Variants in GALNTL6 observed in about 807,000 individuals in gnomAD.
The protein encoded by GALNTL6 is polypeptide N-acetylgalactosaminyltransferase like 6.
GALNTL6 carries 46 observed loss-of-function variants against 73.7 expected under a neutral mutation model. The observed-to-expected ratio is 0.62, with a 90% CI of 0.49 to 0.80. The LOEUF is 0.80. Among genes scored for constraint, GALNTL6 ranks in the 30% least tolerant of loss-of-function variants. The pLI is 0.00. For missense variants in GALNTL6, 604 were observed against 755.0 expected (o/e 0.80, Z 2.34); for synonymous variants, 259 against 263.7 (o/e 0.98, Z 0.17).
intron 5 of GALNTL6, among the ~76,000 whole-genome samples, chr4:172,559,326 AG>A (rs937888952): frequency 6.6e-6 from 1 of 151,988 alleles, no homozygotes; most frequent in Non-Finnish European, 1.5e-5. Flanking sequence ...GGCCTCCCAA[AG>A]TGCTGGGATT....
intron 5 of GALNTL6, among the ~76,000 whole-genome samples, chr4:172,524,818 T>C (rs1031026786): frequency 1.3e-5 from 2 of 152,206 alleles, no homozygotes; most frequent in East Asian, 1.9e-4. Context: ...TTTTCCTCTA[T>C]GGTTAGTATG....
chr4:172,201,552 G>C (rs1485210197), intron 2 of GALNTL6, among the ~76,000 whole-genome samples: 1 of 150,608 alleles, frequency 6.6e-6, no homozygotes, highest in Non-Finnish European at 1.5e-5. Context: ...AAGAATAGTT[G>C]GTTGGCACTC....
intron 2 of GALNTL6, among the ~76,000 whole-genome samples, chr4:172,062,695 C>T (rs1218019151): frequency 6.6e-6 from 1 of 152,206 alleles, no homozygotes; most frequent in Admixed American, 6.5e-5. Flanking sequence ...TAAGATACAA[C>T]CACATTTTTC....
intron 2 of GALNTL6, among the ~76,000 whole-genome samples, chr4:171,978,757 G>A (rs1739795837): frequency 6.6e-6 from 1 of 151,220 alleles, no homozygotes; most frequent in Admixed American, 6.6e-5. Context: ...TGACTTTTAG[G>A]CATTAAAAAA....
At chr4:171,871,160 T>C (rs978741493) in intron 2 of GALNTL6, among the ~76,000 whole-genome samples, 2 of 152,140 alleles carry the variant, frequency 1.3e-5, no homozygotes, top group Non-Finnish European at 2.9e-5. Context: ...GTGGGGAGTA[T>C]GTAATGATAC....
chr4:172,675,046 C>T (rs1315638880), intron 5 of GALNTL6, among the ~76,000 whole-genome samples: 3 of 152,176 alleles, frequency 2.0e-5, no homozygotes. Context: ...AAAAGCAGAA[C>T]TCTGGCTTTT....
intron 5 of GALNTL6, among the ~76,000 whole-genome samples, chr4:172,727,664 G>T (rs1010300867): frequency 6.6e-6 from 1 of 152,046 alleles, no homozygotes; most frequent in African/African-American, 2.4e-5. Flanking sequence ...TCAATTTGTT[G>T]TGTTGTATCC....
intron 5 of GALNTL6, among the ~76,000 whole-genome samples, chr4:172,405,433 ATATATATATATTTTTTTTTTTTTTT>A (rs1744193673): frequency 1.6e-4 from 1 of 6,408 alleles, no homozygotes; most frequent in East Asian, 0.013. Flanking sequence ...ATATATATAT[ATATATATATATTTTTTTTTTTTTTT>A]TTTTTTTTCT....
chr4:172,635,396 A>C (rs1156407341), intron 5 of GALNTL6, among the ~76,000 whole-genome samples: 1 of 152,164 alleles, frequency 6.6e-6, no homozygotes, highest in Non-Finnish European at 1.5e-5. Context: ...AGTAGGAATT[A>C]TTACAATTCA....
chr4:172,964,201 T>C (rs571308576), intron 10 of GALNTL6, among the ~76,000 whole-genome samples: 1 of 152,346 alleles, frequency 6.6e-6, no homozygotes, highest in East Asian at 1.9e-4. Context: ...TGTGTCAAGA[T>C]GCTAAATGAA....
At chr4:172,733,755 C>T (rs1213678546) in intron 5 of GALNTL6, among the ~76,000 whole-genome samples, 1 of 152,158 alleles carries the variant, frequency 6.6e-6, no homozygotes. Flanking sequence ...CCATGTGGAA[C>T]TGTGATTTCA....
At chr4:172,062,814 A>G (rs779485209) in intron 2 of GALNTL6, among the ~76,000 whole-genome samples, 1 of 152,360 alleles carries the variant, frequency 6.6e-6, no homozygotes, top group Non-Finnish European at 1.5e-5. Flanking sequence ...TCTCCTGCCA[A>G]GTCCCCCTAT....
intron 2 of GALNTL6, among the ~76,000 whole-genome samples, chr4:172,192,764 CA>C (rs1309669807): frequency 8.5e-5 from 13 of 152,148 alleles, no homozygotes; most frequent in Non-Finnish European, 2.9e-5. Context: ...GCTCAGGTTG[CA>C]ACCAGCGGCA....
chr4:173,026,897 TAGTTAGTCTTCCA>T (rs1223122432), intron 12 of GALNTL6, among the ~76,000 whole-genome samples: 3 of 152,220 alleles, frequency 2.0e-5, no homozygotes, highest in African/African-American at 4.8e-5. Flanking sequence ...GGCCTTCATG[TAGTTAGTCTTCCA>T]AGTCATCTTT....
chr4:172,081,739 G>GTAGTGC (rs1380521207), intron 2 of GALNTL6, among the ~76,000 whole-genome samples: 6 of 152,206 alleles, frequency 3.9e-5, no homozygotes, highest in African/African-American at 1.4e-4. Flanking sequence ...GTGGGAGAAG[G>GTAGTGC]TAGTGCTGAT....
intron 5 of GALNTL6, among the ~76,000 whole-genome samples, chr4:172,725,799 T>C (rs1312711764): frequency 1.3e-5 from 2 of 152,210 alleles, no homozygotes; most frequent in Non-Finnish European, 2.9e-5. Flanking sequence ...TTCTATGATG[T>C]GCCACGTAAT....
At chr4:172,346,881 A>G (rs375266393) in intron 4 of GALNTL6, among the ~76,000 whole-genome samples, 1 of 152,024 alleles carries the variant, frequency 6.6e-6, no homozygotes, top group Non-Finnish European at 1.5e-5. Flanking sequence ...TTTGTCACAC[A>G]TGATTGGTCT....
intron 6 of GALNTL6, among the ~76,000 whole-genome samples, chr4:172,811,674 T>G (rs763230617): frequency 1.3e-4 from 20 of 152,074 alleles, no homozygotes; most frequent in Non-Finnish European, 2.8e-4. Context: ...GGGGGTCTCT[T>G]CATCTGCTAA....
chr4:172,682,488 A>T (rs971126424), intron 5 of GALNTL6, among the ~76,000 whole-genome samples: 10 of 152,218 alleles, frequency 6.6e-5, no homozygotes, highest in Non-Finnish European at 1.2e-4. Context: ...AAGACTTTGT[A>T]AACAAATTTG....
Sources: gnomAD v4.1 joint callset for allele counts (sites outside exome capture counted in the v4.1 genomes callset) on GRCh38, gnomAD v4.1.1 for gene constraint, MANE v1.5 for transcripts, NCBI Gene and HGNC (gene_info 2026-07-23, HGNC 2026-07-21) for gene names.